The following DLGAP4 variants were observed in gnomAD, a reference collection of about 807,000 sequenced individuals.
DLGAP4 encodes DLG associated protein 4.
A neutral mutation model predicts 86.9 loss-of-function variants in DLGAP4; 18 were observed. The ratio of observed to expected loss-of-function variants is 0.21; its 90% CI spans 0.14 to 0.31. DLGAP4 has a LOEUF of 0.31. DLGAP4 is among the 10% of genes least tolerant of loss of function. The probability of loss-of-function intolerance (pLI) is 1.00; values close to 1 mark genes in which losing one functional copy is unlikely to be tolerated. For synonymous variants in DLGAP4, 548 were observed against 574.3 expected, an observed-to-expected ratio of 0.95 and a Z score of 0.65; for missense variants, 1,085 against 1,362.6, an observed-to-expected ratio of 0.80 and a Z score of 3.21.
chr20:36,439,746 C>A lies in DLGAP4; in HGVS notation c.1242-8C>A, dbSNP rs763150160. 6.2e-7 allele frequency: 1 copy of A among 1,611,198 alleles called. No homozygotes were observed. The highest frequency in any genetic ancestry group is 8.5e-7 in the Non-Finnish European group (1 of 1,179,076). ...GCTGAGCCCTGTCTGCTCCCCACTCCCCACCAGGAGTCTGGACCGCCTGGA... is the reference window on the plus strand; with the variant it reads ...GCTGAGCCCTGTCTGCTCCCCACTCACCACCAGGAGTCTGGACCGCCTGGA... On this transcript the variant is annotated splice_polypyrimidine_tract_variant and splice_region_variant and intron_variant, in intron 4 of 12. Transcript: ENST00000339266.
intron 1 of DLGAP4, among the ~76,000 whole-genome samples, chr20:36,312,966 C>T (rs942679949): frequency 3.3e-5 from 5 of 152,072 alleles, no homozygotes; most frequent in Non-Finnish European, 7.4e-5. Flanking sequence ...TCTGGGCCTC[C>T]ATCTACTTGG....
chr20:36,384,778 CA>C (rs1488643991), intron 2 of DLGAP4, among the ~76,000 whole-genome samples: 5 of 152,294 alleles, frequency 3.3e-5, no homozygotes, highest in Non-Finnish European at 5.9e-5. Flanking sequence ...ACAAGGAGAT[CA>C]GGGGTGGTGG....
At chr20:36,434,758 C>A (rs1010084753) in intron 3 of DLGAP4, among the ~76,000 whole-genome samples, 4 of 152,146 alleles carry the variant, frequency 2.6e-5, no homozygotes. Flanking sequence ...TGGACATTAC[C>A]TTCCCTTTGT....
intron 10 of DLGAP4, among the ~76,000 whole-genome samples, chr20:36,512,449 C>T (rs543689336): frequency 3.3e-4 from 51 of 152,248 alleles, no homozygotes; most frequent in Non-Finnish European, 4.3e-4. Flanking sequence ...TTGTCCTGAC[C>T]GTCATTCACT....
chr20:36,343,626 C>CG (rs1285876793), intron 1 of DLGAP4, among the ~76,000 whole-genome samples: 5 of 152,220 alleles, frequency 3.3e-5, no homozygotes, highest in African/African-American at 7.2e-5. Flanking sequence ...GGTACCCCCC[C>CG]CCAACCCCCC....
At chr20:36,479,342 C>G (rs1010547091) in intron 7 of DLGAP4, among the ~76,000 whole-genome samples, 8 of 152,096 alleles carry the variant, frequency 5.3e-5, no homozygotes, top group Admixed American at 1.3e-4. Flanking sequence ...GTTCTGCCTC[C>G]TAAGTGTCAA....
chr20:36,488,979 G>A (rs1015480606), intron 7 of DLGAP4, among the ~76,000 whole-genome samples: 1 of 152,214 alleles, frequency 6.6e-6, no homozygotes, highest in African/African-American at 2.4e-5. Flanking sequence ...TTCTCCATAA[G>A]GGACATCACA....
At chr20:36,352,901 G>A (rs1190495207) in intron 1 of DLGAP4, among the ~76,000 whole-genome samples, 2 of 152,162 alleles carry the variant, frequency 1.3e-5, no homozygotes, top group Non-Finnish European at 2.9e-5. Flanking sequence ...AAGACATAAA[G>A]AACGGGACTC....
intron 4 of DLGAP4, among the ~76,000 whole-genome samples, chr20:36,439,534 G>A (rs2033385127): frequency 6.6e-6 from 1 of 152,216 alleles, no homozygotes; most frequent in African/African-American, 2.4e-5. Context: ...CGGGCCTCTG[G>A]AAATGTCCCA....
At chr20:36,413,340 C>T (rs1005482748) in intron 2 of DLGAP4, among the ~76,000 whole-genome samples, 1 of 151,302 alleles carries the variant, frequency 6.6e-6, no homozygotes, top group Non-Finnish European at 1.5e-5. Context: ...AGTCACTCCC[C>T]ATTCCTCTGT....
At chr20:36,439,181 T>C (rs1022624510) in intron 4 of DLGAP4, among the ~76,000 whole-genome samples, 1 of 152,196 alleles carries the variant, frequency 6.6e-6, no homozygotes, top group Non-Finnish European at 1.5e-5. Context: ...CACTGAATCC[T>C]CACTGCAGCC....
rs8123458 is a variant in DLGAP4 at position 36,421,922 on chromosome 20, C to T, written c.-72-9724C>T. On this transcript the variant is annotated intron_variant, in intron 2 of 12. Transcript: ENST00000339266. ...CAGATAGGTGGTGTTTAAGGCCATG[C>T]GTCAGGATGAGATCAGCAGAGGAGA... is the stretch of plus-strand genomic sequence containing the variant. 7.6e-3 allele frequency among the ~76,000 whole-genome samples: 1,151 copies of T among 152,134 alleles called. 12 individuals are homozygous for T. Among genetic ancestry groups the T allele is most frequent in the African/African-American group, 0.026 (1,059 of 41,472 alleles).
At chr20:36,368,881 G>T (rs886646852) in intron 2 of DLGAP4, among the ~76,000 whole-genome samples, 1 of 152,230 alleles carries the variant, frequency 6.6e-6, no homozygotes, top group Non-Finnish European at 1.5e-5. Flanking sequence ...GGGAGACTGA[G>T]GCAGGGACTT....
intron 7 of DLGAP4, among the ~76,000 whole-genome samples, chr20:36,463,820 C>T (rs1468832779): frequency 6.6e-6 from 1 of 152,186 alleles, no homozygotes; most frequent in African/African-American, 2.4e-5. Flanking sequence ...CTGGGGTTTG[C>T]TGTCAAGGAG....
chr20:36,494,984 GTTTTTTTTT>G (rs752411826), intron 7 of DLGAP4, among the ~76,000 whole-genome samples: 3 of 75,404 alleles, frequency 4.0e-5, no homozygotes, highest in South Asian at 1.1e-3. Flanking sequence ...TTTTTGTTCG[GTTTTTTTTT>G]TTTTTTTTTT....
At chr20:36,405,828 G>T (rs2032302033) in intron 2 of DLGAP4, among the ~76,000 whole-genome samples, 1 of 152,166 alleles carries the variant, frequency 6.6e-6, no homozygotes, top group African/African-American at 2.4e-5. Context: ...TGGACTCCAG[G>T]CTGGGGACCT....
intron 4 of DLGAP4, among the ~76,000 whole-genome samples, chr20:36,438,352 TG>T (rs1376991780): frequency 7.0e-6 from 1 of 142,464 alleles, no homozygotes; most frequent in Non-Finnish European, 1.5e-5. Flanking sequence ...CCAGCCTGGG[TG>T]ACAGAGTGAG....
intron 10 of DLGAP4, among the ~76,000 whole-genome samples, chr20:36,512,038 GTCTC>G (rs1346465792): frequency 1.1e-4 from 16 of 147,498 alleles, no homozygotes; most frequent in South Asian, 2.1e-4. Context: ...TGCCAATTTT[GTCTC>G]TCTGATTTTT....
chr20:36,318,033 T>C (rs2065125982), intron 1 of DLGAP4, among the ~76,000 whole-genome samples: 1 of 151,946 alleles, frequency 6.6e-6, no homozygotes, highest in South Asian at 2.1e-4. Flanking sequence ...TCATCTTCTA[T>C]ACTCACTACT....
Sources: gnomAD v4.1 joint callset for allele counts (sites outside exome capture counted in the v4.1 genomes callset) on GRCh38, gnomAD v4.1.1 for gene constraint, MANE v1.5 for transcripts, NCBI Gene and HGNC (gene_info 2026-07-23, HGNC 2026-07-21) for gene names.